The following ESR2 variants were observed in gnomAD, a reference collection of about 807,000 sequenced individuals.
The protein encoded by ESR2 is estrogen receptor 2.
A neutral mutation model predicts 49.6 loss-of-function variants in ESR2; 36 were observed. The ratio of observed to expected loss-of-function variants is 0.73; its 90% CI spans 0.56 to 0.96. ESR2 has a LOEUF of 0.96. Ranked by LOEUF, ESR2 falls within the 40% of genes least tolerant of loss-of-function variation. The pLI is 0.00. For synonymous variants in ESR2, 320 were observed against 266.1 expected, an observed-to-expected ratio of 1.20 and a Z score of -1.97; for missense variants, 714 against 693.0, an observed-to-expected ratio of 1.03 and a Z score of -0.34.
intron 6 of ESR2, among the ~76,000 whole-genome samples, chr14:64,255,198 A>T (rs970662605): frequency 1.3e-5 from 2 of 152,140 alleles, no homozygotes; most frequent in African/African-American, 4.8e-5. Context: ...TCAAGACAAA[A>T]GATAAAATAA....
intron 6 of ESR2, among the ~76,000 whole-genome samples, chr14:64,251,440 C>A (rs928570878): frequency 6.6e-6 from 1 of 151,604 alleles, no homozygotes; most frequent in African/African-American, 2.4e-5. Context: ...CTCACACACA[C>A]CCCTCCCCAA....
chr14:64,280,523 G>T (rs1195868832), intron 2 of ESR2, among the ~76,000 whole-genome samples: 1 of 152,146 alleles, frequency 6.6e-6, no homozygotes, highest in Non-Finnish European at 1.5e-5. Context: ...CCACAGGCAG[G>T]ATATGCATTG....
At chr14:64,265,892 T>C (rs532134562) in intron 4 of ESR2, among the ~76,000 whole-genome samples, 3 of 152,288 alleles carry the variant, frequency 2.0e-5, no homozygotes, top group African/African-American at 2.4e-5. Context: ...CCAAACCTGA[T>C]AGAAGAAAAA....
intron 3 of ESR2, among the ~76,000 whole-genome samples, chr14:64,278,335 G>C (rs934096614): frequency 4.6e-5 from 7 of 152,190 alleles, no homozygotes; most frequent in Non-Finnish European, 7.3e-5. Flanking sequence ...CCAGGACAAA[G>C]AGGCTGCCAT....
upstream of ESR2, chr14:64,297,664 G>A (rs1442834813): frequency 6.6e-6 from 1 of 152,242 alleles, no homozygotes; most frequent in Non-Finnish European, 1.5e-5. Context: ...GACTTGGAAA[G>A]ATCAGAGGGA....
chr14:64,275,578 C>T (rs943399387), intron 3 of ESR2, among the ~76,000 whole-genome samples: 1 of 152,044 alleles, frequency 6.6e-6, no homozygotes, highest in Non-Finnish European at 1.5e-5. Context: ...TGGTGGGTGT[C>T]TGTAATCCCA....
chr14:64,277,848 A>T (rs2076586619), intron 3 of ESR2, among the ~76,000 whole-genome samples: 1 of 152,116 alleles, frequency 6.6e-6, no homozygotes, highest in South Asian at 2.1e-4. Flanking sequence ...AGAATTTGAC[A>T]TTCCTGTCTG....
intron 7 of ESR2, among the ~76,000 whole-genome samples, 190 bp from the exon 8 acceptor site, chr14:64,235,340 C>T (rs934404438): frequency 1.3e-5 from 2 of 152,222 alleles, no homozygotes. Flanking sequence ...CGTCACAGAG[C>T]TAGAAGAGAA....
chr14:64,319,754 A>G (rs1596490879), intron 1 of ESR2, among the ~76,000 whole-genome samples: 1 of 152,252 alleles, frequency 6.6e-6, no homozygotes, highest in East Asian at 1.9e-4. Flanking sequence ...TCAAATGGCT[A>G]AAATCCAGAA....
At chr14:64,263,090 C>T (rs984766702) in intron 4 of ESR2, among the ~76,000 whole-genome samples, 2 of 151,756 alleles carry the variant, frequency 1.3e-5, no homozygotes, top group Non-Finnish European at 2.9e-5. Flanking sequence ...TCACAATAAA[C>T]AAAAAATACC....
At chr14:64,316,701 T>G (rs2077260301) in intron 1 of ESR2, among the ~76,000 whole-genome samples, 1 of 151,488 alleles carries the variant, frequency 6.6e-6, no homozygotes, top group Non-Finnish European at 1.5e-5. Context: ...ACCAGCTACT[T>G]TGTAGGCTGA....
Position 64,235,080 on chromosome 14 carries a change from G to A in ESR2, c.1296C>T (p.Ala432=), listed in dbSNP as rs148775627. ...SSRKLAHLLN[A]VTDALVWVIA... ...TCACCCAAACCAAAGCATCGGTCAC[G>A]GCGTTCAGCAAGTGAGCCAGCTTCC... The change falls in exon 8 of 9, where the codon GCC becomes GCT. Residue 432 remains alanine (A), a synonymous_variant. Transcript: ENST00000341099. 46 of 1,614,090 alleles carry A rather than the reference G, an allele frequency of 2.8e-5. No individual in the cohort carries two copies. Among genetic ancestry groups the A allele is most frequent in the South Asian group, 1.9e-4 (17 of 91,090 alleles).
chr14:64,295,340 T>C (rs1484660288), upstream of ESR2, among the ~76,000 whole-genome samples: 1 of 152,168 alleles, frequency 6.6e-6, no homozygotes, highest in African/African-American at 2.4e-5. Context: ...AGTTTTACAG[T>C]ACCAGCCTCA....
chr14:64,283,149 T>TA, intron 1 of ESR2, 74 bp from the exon 2 acceptor site: 1 of 588,098 alleles, frequency 1.7e-6, no homozygotes, highest in Non-Finnish European at 2.8e-6. Flanking sequence ...ATATTTTCAT[T>TA]AAAAAAATAC....
chr14:64,328,467 T>C (rs960965279), intron 1 of ESR2, among the ~76,000 whole-genome samples: 1 of 151,984 alleles, frequency 6.6e-6, no homozygotes. Flanking sequence ...GTAATTCCAA[T>C]AGTCCCAAGA....
chr14:64,312,103 G>A (rs183454416), intron 1 of ESR2, among the ~76,000 whole-genome samples: 1 of 152,076 alleles, frequency 6.6e-6, no homozygotes, highest in Non-Finnish European at 1.5e-5. Context: ...TGGAAGCTAA[G>A]AGTTCTATAC....
At position 64,249,643 on chromosome 14, in the gene ESR2, G is replaced by A. The variant is rs531227990; in HGVS notation, c.1128C>T (p.Ile376=). 5.0e-6 allele frequency: 8 copies of A among 1,613,828 alleles called. No homozygotes were observed. In the Admixed American group the frequency reaches 5.0e-5, roughly 10 times the overall value. ...AAGTAGTTGCCAGGAGCATGTCAAA[G>A]ATTTCCAGAATTCCTTCTACGCATT... The part of the protein sequence containing the change: ...EGKCVEGILE[I]FDMLLATTSR... Residue 376 remains isoleucine, a synonymous_variant, in exon 7 of 9, where the codon ATC becomes ATT. Coordinates refer to ENST00000341099, the MANE Select transcript of ESR2 (RefSeq NM_001437.3).
At chr14:64,270,912 C>T (rs779840772) in intron 3 of ESR2, among the ~76,000 whole-genome samples, 4 of 152,306 alleles carry the variant, frequency 2.6e-5, no homozygotes, top group Admixed American at 2.0e-4. Context: ...GATATCTGCA[C>T]TTCCATGTTT....
intron 6 of ESR2, among the ~76,000 whole-genome samples, chr14:64,253,095 A>G (rs1037580314): frequency 3.9e-5 from 6 of 152,246 alleles, no homozygotes; most frequent in Middle Eastern, 3.4e-3. Context: ...ACCTCAAGTG[A>G]TCCACTCACC....
Sources: gnomAD v4.1 joint callset for allele counts (sites outside exome capture counted in the v4.1 genomes callset) on GRCh38, gnomAD v4.1.1 for gene constraint, MANE v1.5 for transcripts, NCBI Gene and HGNC (gene_info 2026-07-23, HGNC 2026-07-21) for gene names.